The following VAV3 variants were observed in gnomAD, a reference collection of about 807,000 sequenced individuals.
The protein encoded by VAV3 is vav guanine nucleotide exchange factor 3.
In VAV3, 94 loss-of-function variants were observed where a neutral mutation model predicts 131.2. That is an observed-to-expected ratio of 0.72 (90% CI 0.61 to 0.85). The LOEUF (loss-of-function observed/expected upper bound fraction) is 0.85, where lower values mean the gene tolerates loss of function less well. Among genes scored for constraint, VAV3 ranks in the 40% least tolerant of loss-of-function variants. The pLI, the probability that VAV3 is intolerant of heterozygous loss-of-function variation, is 0.00. For missense variants in VAV3, 939 were observed against 1,002.7 expected (o/e 0.94, Z 0.86); for synonymous variants, 349 against 342.0 (o/e 1.02, Z -0.22).
intron 1 of VAV3, among the ~76,000 whole-genome samples, chr1:107,928,809 T>C (rs1673280367): frequency 6.6e-6 from 1 of 151,816 alleles, no homozygotes; most frequent in Non-Finnish European, 1.5e-5. Flanking sequence ...AAAGAGTAGG[T>C]AGAGAAAGAG....
At chr1:107,815,953 C>T (rs565855319) in intron 2 of VAV3, among the ~76,000 whole-genome samples, 7 of 152,234 alleles carry the variant, frequency 4.6e-5, no homozygotes, top group South Asian at 2.1e-4. Context: ...ATTAGGTTCT[C>T]GTAAGGAGTA....
chr1:107,611,260 T>C (rs888510023), intron 21 of VAV3, among the ~76,000 whole-genome samples: 1 of 152,168 alleles, frequency 6.6e-6, no homozygotes, highest in Non-Finnish European at 1.5e-5. Flanking sequence ...TCAAACTGTA[T>C]CAAAAATCAT....
intron 19 of VAV3, among the ~76,000 whole-genome samples, chr1:107,655,252 C>T (rs1282545256): frequency 3.9e-5 from 6 of 152,048 alleles, no homozygotes; most frequent in African/African-American, 1.4e-4. Flanking sequence ...GCCAAATCAG[C>T]ATGGCACTGG....
intron 2 of VAV3, among the ~76,000 whole-genome samples, chr1:107,824,505 G>T (rs1052712348): frequency 6.6e-6 from 1 of 152,144 alleles, no homozygotes; most frequent in Non-Finnish European, 1.5e-5. Flanking sequence ...AGGATCCACA[G>T]ATAAATACGG....
chr1:107,622,401 G>A (rs1653677447), intron 20 of VAV3, among the ~76,000 whole-genome samples: 1 of 152,108 alleles, frequency 6.6e-6, no homozygotes, highest in Admixed American at 6.6e-5. Flanking sequence ...AGACAAGGAT[G>A]GCTTAAAATG....
At chr1:107,756,076 G>A (rs896744329) in intron 11 of VAV3, among the ~76,000 whole-genome samples, 1 of 152,110 alleles carries the variant, frequency 6.6e-6, no homozygotes, top group Non-Finnish European at 1.5e-5. Context: ...GGAGAGGTGA[G>A]GAACTAAATA....
At chr1:107,920,892 T>C (rs1038428074) in intron 1 of VAV3, among the ~76,000 whole-genome samples, 1 of 152,240 alleles carries the variant, frequency 6.6e-6, no homozygotes, top group Non-Finnish European at 1.5e-5. Flanking sequence ...AAAAGCCTTA[T>C]TTATACTTTA....
chr1:107,659,092 G>T (rs1026147371), intron 19 of VAV3, among the ~76,000 whole-genome samples: 1 of 151,850 alleles, frequency 6.6e-6, no homozygotes, highest in Non-Finnish European at 1.5e-5. Flanking sequence ...GGTCTAACAT[G>T]TAAGTCTTTA....
chr1:107,958,822 C>T (rs1053370693), intron 1 of VAV3, among the ~76,000 whole-genome samples: 3 of 152,088 alleles, frequency 2.0e-5, no homozygotes, highest in African/African-American at 7.2e-5. Flanking sequence ...GTTCCCCTCC[C>T]TGTGCCCATA....
chr1:107,814,016 A>G (rs1042848584), intron 2 of VAV3, among the ~76,000 whole-genome samples: 45 of 105,602 alleles, frequency 4.3e-4, no homozygotes, highest in South Asian at 6.7e-4. Flanking sequence ...GTGTGTGTGT[A>G]TACACACCAT....
chr1:107,872,716 A>G (rs1328117052), intron 2 of VAV3, among the ~76,000 whole-genome samples: 1 of 152,180 alleles, frequency 6.6e-6, no homozygotes, highest in Admixed American at 6.5e-5. Context: ...GAATGTTTGC[A>G]CTATGGTACA....
chr1:107,945,838 GAAA>G (rs36064785), intron 1 of VAV3, among the ~76,000 whole-genome samples: 83,226 of 111,430 alleles, frequency 0.75, 28,310 homozygotes, highest in Middle Eastern at 0.82. Context: ...AAAAAAAAAA[GAAA>G]GAAAGAAAAG....
chr1:107,601,964 C>A (rs1459709135), intron 24 of VAV3, among the ~76,000 whole-genome samples: 5 of 152,020 alleles, frequency 3.3e-5, no homozygotes, highest in Non-Finnish European at 7.4e-5. Context: ...GCAAAAAATA[C>A]AAAAATCTTT....
chr1:107,837,702 G>A (rs1668536172), intron 2 of VAV3, among the ~76,000 whole-genome samples: 1 of 152,210 alleles, frequency 6.6e-6, no homozygotes, highest in South Asian at 2.1e-4. Flanking sequence ...ATAGACCAAT[G>A]AAACAGAATA....
chr1:107,658,461 C>T (rs1281980459), intron 19 of VAV3, among the ~76,000 whole-genome samples: 1 of 152,044 alleles, frequency 6.6e-6, no homozygotes, highest in East Asian at 1.9e-4. Context: ...TGGGTATATA[C>T]CCAGTAATGG....
At chr1:107,842,300 T>C (rs1002783379) in intron 2 of VAV3, among the ~76,000 whole-genome samples, 12 of 152,134 alleles carry the variant, frequency 7.9e-5, no homozygotes, top group Non-Finnish European at 1.6e-4. Flanking sequence ...GCGAGATGAA[T>C]AGCTAAAAAT....
intron 2 of VAV3, among the ~76,000 whole-genome samples, chr1:107,804,957 G>A (rs1666994724): frequency 6.6e-6 from 1 of 151,678 alleles, no homozygotes; most frequent in Non-Finnish European, 1.5e-5. Context: ...GGGGTGGGGT[G>A]GGGGTTGGGT....
intron 9 of VAV3, 83 bp downstream of exon 9, chr1:107,764,993 T>C: frequency 1.2e-6 from 1 of 817,622 alleles, no homozygotes; most frequent in South Asian, 1.7e-5. Context: ...ATGGGAAATG[T>C]ACTGCTTCAC....
chr1:107,931,333 G>C (rs1557931517), intron 1 of VAV3, among the ~76,000 whole-genome samples: 2 of 152,004 alleles, frequency 1.3e-5, no homozygotes, highest in Admixed American at 6.6e-5. Flanking sequence ...TTAATACTTA[G>C]GCAGAATAAT....
Sources: allele counts gnomAD v4.1 joint callset (sites outside exome capture counted in the v4.1 genomes callset), GRCh38; gene constraint gnomAD v4.1.1; transcripts MANE v1.5; gene names NCBI Gene and HGNC (gene_info 2026-07-23, HGNC 2026-07-21).